TENM4: variants seen among roughly 807,000 people sequenced by gnomAD.
TENM4 encodes teneurin-4.
In TENM4, 82 loss-of-function variants were observed where a neutral mutation model predicts 243.3. That is an observed-to-expected ratio of 0.34 (90% CI 0.28 to 0.40). The LOEUF (loss-of-function observed/expected upper bound fraction) is 0.40. Ranked by LOEUF, TENM4 falls within the 10% of genes least tolerant of loss-of-function variation. The probability of loss-of-function intolerance (pLI) is 1.00; values close to 1 mark genes in which losing one functional copy is unlikely to be tolerated. For synonymous variants in TENM4, 1,412 were observed against 1,456.3 expected, an observed-to-expected ratio of 0.97 and a Z score of 0.69; for missense variants, 3,138 against 3,673.3, an observed-to-expected ratio of 0.85 and a Z score of 3.77.
intron 3 of TENM4, among the ~76,000 whole-genome samples, chr11:79,158,852 G>T (rs985838166): frequency 2.3e-4 from 35 of 152,282 alleles, no homozygotes; most frequent in South Asian, 8.3e-4. Flanking sequence ...CACTGAGGAA[G>T]CTGCTAGCAT....
intron 3 of TENM4, among the ~76,000 whole-genome samples, chr11:79,166,895 C>T (rs1862926960): frequency 1.3e-5 from 2 of 152,154 alleles, no homozygotes; most frequent in African/African-American, 4.8e-5. Context: ...AGGCACAAAA[C>T]TATGGTGTGC....
chr11:79,113,604 C>T (rs1861556149), intron 4 of TENM4, among the ~76,000 whole-genome samples: 1 of 151,672 alleles, frequency 6.6e-6, no homozygotes, highest in African/African-American at 2.4e-5. Context: ...ATGAAACGCA[C>T]AATTAAGGAT....
At chr11:78,664,366 G>A (rs1858099257) in intron 32 of TENM4, among the ~76,000 whole-genome samples, 1 of 152,014 alleles carries the variant, frequency 6.6e-6, no homozygotes, top group Non-Finnish European at 1.5e-5. Context: ...CTCCGGAGTA[G>A]CCAGGACCAC....
intron 1 of TENM4, among the ~76,000 whole-genome samples, chr11:79,430,456 G>T (rs1260630773): frequency 6.6e-6 from 1 of 152,208 alleles, no homozygotes; most frequent in East Asian, 1.9e-4. Context: ...CAGGGGTCAT[G>T]TTGAGTAACC....
intron 1 of TENM4, among the ~76,000 whole-genome samples, chr11:79,401,160 C>T (rs1858453298): frequency 6.6e-6 from 1 of 152,174 alleles, no homozygotes; most frequent in Non-Finnish European, 1.5e-5. Context: ...ATTCTGGTGT[C>T]CTTCACCTTT....
intron 6 of TENM4, among the ~76,000 whole-genome samples, chr11:78,964,483 G>T (rs923898568): frequency 2.0e-5 from 3 of 152,138 alleles, no homozygotes; most frequent in Non-Finnish European, 4.4e-5. Flanking sequence ...AATGACCAAG[G>T]TACAACCTCT....
At chr11:78,769,554 A>G (rs1445215755) in intron 18 of TENM4, among the ~76,000 whole-genome samples, 3 of 152,236 alleles carry the variant, frequency 2.0e-5, no homozygotes, top group Non-Finnish European at 4.4e-5. Context: ...TATAGGGCCC[A>G]ACTCTAAAAT....
intron 3 of TENM4, among the ~76,000 whole-genome samples, chr11:79,200,398 G>A (rs567409725): frequency 1.3e-5 from 2 of 152,188 alleles, no homozygotes; most frequent in Non-Finnish European, 2.9e-5. Flanking sequence ...ACCTTACTCC[G>A]CATTGAATCT....
intron 29 of TENM4, among the ~76,000 whole-genome samples, chr11:78,677,007 G>T (rs1858494973): frequency 1.3e-5 from 2 of 152,142 alleles, no homozygotes; most frequent in South Asian, 4.2e-4. Context: ...AGCTGCGAAT[G>T]GGTATGGGAT....
At chr11:78,979,881 T>C (rs1372819623) in intron 6 of TENM4, among the ~76,000 whole-genome samples, 1 of 152,222 alleles carries the variant, frequency 6.6e-6, no homozygotes, top group East Asian at 1.9e-4. Flanking sequence ...TCTCTGGGTC[T>C]GAAATTTAGC....
chr11:79,221,613 C>T (rs749077442), intron 2 of TENM4, among the ~76,000 whole-genome samples: 24 of 151,988 alleles, frequency 1.6e-4, no homozygotes, highest in Non-Finnish European at 4.4e-5. Context: ...CCTGTGCGTG[C>T]TCACCCCTGC....
intron 6 of TENM4, among the ~76,000 whole-genome samples, chr11:79,038,961 T>A (rs1249736154): frequency 6.6e-6 from 1 of 152,194 alleles, no homozygotes; most frequent in Non-Finnish European, 1.5e-5. Context: ...ACCACCAGGA[T>A]TACATCTAGA....
chr11:79,235,244 C>A (rs1404799390), intron 2 of TENM4, among the ~76,000 whole-genome samples: 1 of 152,010 alleles, frequency 6.6e-6, no homozygotes, highest in African/African-American at 2.4e-5. Flanking sequence ...ACCTGGGAGG[C>A]AGAGGTTGCA....
chr11:79,119,322 G>A (rs1263519237), intron 4 of TENM4, among the ~76,000 whole-genome samples: 2 of 151,330 alleles, frequency 1.3e-5, no homozygotes, highest in Admixed American at 1.3e-4. Context: ...GGTATTTCTG[G>A]TGAGCATCTA....
At chr11:79,058,216 A>G (rs1398950410) in intron 6 of TENM4, among the ~76,000 whole-genome samples, 1 of 152,208 alleles carries the variant, frequency 6.6e-6, no homozygotes, top group East Asian at 1.9e-4. Flanking sequence ...ACGTGTCTCT[A>G]TAAAACAAAA....
At chr11:79,427,752 A>ATTATTACTTATCCTAGTAATAAAGTAT (rs1859086197) in intron 1 of TENM4, among the ~76,000 whole-genome samples, 1 of 152,232 alleles carries the variant, frequency 6.6e-6, no homozygotes, top group Non-Finnish European at 1.5e-5. Flanking sequence ...TTTCAAAGTA[A>ATTATTACTTATCCTAGTAATAAAGTAT]TACTTATCCT....
intron 9 of TENM4, 50 bp downstream of exon 9, chr11:78,889,735 C>A: frequency 6.5e-7 from 1 of 1,531,640 alleles, no homozygotes; most frequent in Non-Finnish European, 8.8e-7. Flanking sequence ...TTGGTTGCTG[C>A]CCTCTGGGCC....
At chr11:79,277,081 G>A (rs1228106845) in intron 2 of TENM4, among the ~76,000 whole-genome samples, 1 of 152,154 alleles carries the variant, frequency 6.6e-6, no homozygotes, top group African/African-American at 2.4e-5. Context: ...CTTACAGTAA[G>A]GAGTGAGGCA....
chr11:78,885,097 A>G (rs1855521981), intron 9 of TENM4, among the ~76,000 whole-genome samples: 1 of 152,234 alleles, frequency 6.6e-6, no homozygotes, highest in Non-Finnish European at 1.5e-5. Flanking sequence ...TAAATGCTAT[A>G]CAATAAAGCA....
Sources: allele counts gnomAD v4.1 joint callset (sites outside exome capture counted in the v4.1 genomes callset), GRCh38; gene constraint gnomAD v4.1.1; transcripts MANE v1.5; gene names NCBI Gene and HGNC (gene_info 2026-07-23, HGNC 2026-07-21).